DLG2: variants seen among roughly 807,000 people sequenced by gnomAD.
DLG2 encodes disks large homolog 2.
In DLG2, 45 loss-of-function variants were observed where a neutral mutation model predicts 132.5. That is an observed-to-expected ratio of 0.34 (90% CI 0.27 to 0.44). The LOEUF (loss-of-function observed/expected upper bound fraction) is 0.44. Among genes scored for constraint, DLG2 ranks in the 20% least tolerant of loss-of-function variants. DLG2 has a pLI of 1.00. For missense variants in DLG2, 1,045 were observed against 1,196.9 expected (o/e 0.87, Z 1.87); for synonymous variants, 424 against 419.6 (o/e 1.01, Z -0.13).
chr11:85,397,941 A>G (rs545186497), intron 3 of DLG2, among the ~76,000 whole-genome samples: 29 of 152,326 alleles, frequency 1.9e-4, no homozygotes, highest in Admixed American at 9.8e-4. Flanking sequence ...ATAGACATCT[A>G]CAGAACTCTC....
At position 84,336,572 on chromosome 11, in the gene DLG2, C is replaced by T. The variant is rs75808934; in HGVS notation, c.520-85281G>A. On this transcript the variant is annotated intron_variant, in intron 7 of 27. Coordinates refer to ENST00000376104, the MANE Select transcript of DLG2 (RefSeq NM_001142699.3). ...CATGCTAGTCACATGGATTAACTTC[C>T]TTTCCTGGCTTCCTATGTTTGACCC... Among the ~76,000 whole-genome samples, 96 of 152,298 alleles carry T rather than the reference C, an allele frequency of 6.3e-4. 1 individual carries two copies. In the East Asian group the frequency reaches 0.017, roughly 28 times the overall value.
intron 11 of DLG2, among the ~76,000 whole-genome samples, chr11:84,033,178 C>A (rs77965844): frequency 6.6e-6 from 1 of 152,126 alleles, no homozygotes; most frequent in African/African-American, 2.4e-5. Flanking sequence ...AAAGCTATAG[C>A]TGCCATAAAT....
intron 9 of DLG2, among the ~76,000 whole-genome samples, chr11:84,101,311 G>A (rs1195990950): frequency 6.6e-6 from 1 of 152,106 alleles, no homozygotes; most frequent in East Asian, 1.9e-4. Flanking sequence ...AGACAATAAA[G>A]TTGGAACAAA....
intron 8 of DLG2, among the ~76,000 whole-genome samples, chr11:84,171,763 T>C (rs191043664): frequency 6.6e-6 from 1 of 152,252 alleles, no homozygotes; most frequent in East Asian, 1.9e-4. Flanking sequence ...TGGGTCAAAT[T>C]TTCTCTGCTG....
intron 8 of DLG2, among the ~76,000 whole-genome samples, chr11:84,196,855 C>T (rs1437104594): frequency 6.6e-6 from 1 of 151,442 alleles, no homozygotes; most frequent in Non-Finnish European, 1.5e-5. Context: ...GCCTAGTCAA[C>T]AAGGCGAAAC....
chr11:84,769,663 C>T (rs1656890094), intron 6 of DLG2, among the ~76,000 whole-genome samples: 1 of 152,068 alleles, frequency 6.6e-6, no homozygotes, highest in Non-Finnish European at 1.5e-5. Context: ...ACAAACATCA[C>T]CAAGGCATAC....
At chr11:85,263,544 A>G (rs1346617385) in intron 4 of DLG2, among the ~76,000 whole-genome samples, 1 of 152,164 alleles carries the variant, frequency 6.6e-6, no homozygotes, top group Non-Finnish European at 1.5e-5. Context: ...CCTTCAGCCT[A>G]CACCAGGGAA....
chr11:85,430,021 T>C (rs1247440136), intron 3 of DLG2, among the ~76,000 whole-genome samples: 2 of 152,130 alleles, frequency 1.3e-5, no homozygotes, highest in African/African-American at 4.8e-5. Context: ...TGGAATACTA[T>C]GCAGCCATAA....
chr11:84,119,692 T>A (rs1291133721), intron 9 of DLG2, among the ~76,000 whole-genome samples: 2 of 152,130 alleles, frequency 1.3e-5, no homozygotes, highest in African/African-American at 4.8e-5. Flanking sequence ...GTATCAAGCT[T>A]CACAGAACAG....
chr11:83,782,872 G>A (rs895588155), intron 18 of DLG2, among the ~76,000 whole-genome samples: 1 of 152,032 alleles, frequency 6.6e-6, no homozygotes, highest in Admixed American at 6.6e-5. Context: ...AAGGGAAGGG[G>A]TACCTGTGGG....
At chr11:83,823,801 C>G (rs779991245) in intron 17 of DLG2, among the ~76,000 whole-genome samples, 2 of 152,184 alleles carry the variant, frequency 1.3e-5, no homozygotes, top group African/African-American at 2.4e-5. Context: ...CTAAGTGCCT[C>G]AATCTTACAG....
chr11:83,924,350 A>G (rs2154124102), intron 15 of DLG2, among the ~76,000 whole-genome samples: 1 of 152,256 alleles, frequency 6.6e-6, no homozygotes, highest in South Asian at 2.1e-4. Flanking sequence ...TTCAATTTGG[A>G]ACACATATAC....
chr11:84,951,166 T>A (rs1473080727), intron 6 of DLG2, among the ~76,000 whole-genome samples: 5 of 152,228 alleles, frequency 3.3e-5, no homozygotes, highest in African/African-American at 1.2e-4. Flanking sequence ...GTGCTTCTAG[T>A]TACACTGCAA....
chr11:83,540,048 T>G (rs1369649729), intron 20 of DLG2, among the ~76,000 whole-genome samples: 1 of 152,172 alleles, frequency 6.6e-6, no homozygotes, highest in African/African-American at 2.4e-5. Context: ...TTTAGGCAGC[T>G]CCAACTAGTG....
chr11:85,459,596 G>A (rs1229255297), intron 3 of DLG2, among the ~76,000 whole-genome samples: 1 of 152,098 alleles, frequency 6.6e-6, no homozygotes, highest in Non-Finnish European at 1.5e-5. Context: ...GCCTGGTAAA[G>A]AGTAAGGGGT....
chr11:85,504,785 T>C (rs918636225), intron 3 of DLG2, among the ~76,000 whole-genome samples: 1 of 152,214 alleles, frequency 6.6e-6, no homozygotes, highest in Admixed American at 6.5e-5. Flanking sequence ...TGGCATTGAA[T>C]CTATAAATTA....
intron 3 of DLG2, among the ~76,000 whole-genome samples, chr11:85,317,325 G>A (rs781642946): frequency 2.9e-4 from 44 of 151,878 alleles, no homozygotes; most frequent in East Asian, 7.7e-4. Flanking sequence ...TAAAGCTACC[G>A]AGAAACTAAC....
chr11:84,174,679 C>T (rs2095908452), intron 8 of DLG2, among the ~76,000 whole-genome samples: 1 of 152,140 alleles, frequency 6.6e-6, no homozygotes, highest in Non-Finnish European at 1.5e-5. Context: ...TATGGAGCTG[C>T]ATTCTATTGG....
rs1277271810 is a variant in DLG2, at chr11:83,880,847, A to G, written c.1497-6359T>C. ...TCTTCCTTCTCTTGGCGTGATACCC[A>G]TCTGTCCACAGTAGCCACTGGATGA... On this transcript the variant is annotated intron_variant, in intron 15 of 27. Coordinates refer to ENST00000376104, the MANE Select transcript of DLG2 (RefSeq NM_001142699.3). 3.9e-5 allele frequency among the ~76,000 whole-genome samples: 6 copies of G among 152,184 alleles called. No individual in the cohort carries two copies. The East Asian group carries it at 1.2e-3, about 29-fold the overall frequency.
Sources: allele counts gnomAD v4.1 joint callset (sites outside exome capture counted in the v4.1 genomes callset), GRCh38; gene constraint gnomAD v4.1.1; transcripts MANE v1.5; gene names NCBI Gene and HGNC (gene_info 2026-07-23, HGNC 2026-07-21).